The following PCDH7 variants were observed in gnomAD, a reference collection of about 807,000 sequenced individuals.
PCDH7 encodes protocadherin-7.
PCDH7 carries 17 observed loss-of-function variants against 58.9 expected under a neutral mutation model. The ratio of observed to expected loss-of-function variants is 0.29; its 90% CI spans 0.20 to 0.43. The LOEUF is 0.43. Ranked by LOEUF, PCDH7 falls within the 20% of genes least tolerant of loss-of-function variation. PCDH7 has a pLI of 1.00. For synonymous variants in PCDH7, 664 were observed against 616.4 expected (o/e 1.08, Z -1.14); for missense variants, 1,274 against 1,441.0 (o/e 0.88, Z 1.88).
chr4:30,949,446 T>G (rs1219475295), intron 2 of PCDH7, among the ~76,000 whole-genome samples: 1 of 152,128 alleles, frequency 6.6e-6, no homozygotes, highest in Non-Finnish European at 1.5e-5. Context: ...TGGTATACAA[T>G]TTAATTTATT....
chr4:30,867,691 G>A (rs1735046377), intron 1 of PCDH7, among the ~76,000 whole-genome samples: 1 of 152,022 alleles, frequency 6.6e-6, no homozygotes, highest in Non-Finnish European at 1.5e-5. Flanking sequence ...ACTTCCTTGC[G>A]AGAAAGGGGA....
chr4:31,104,957 C>A (rs1295085625), intron 3 of PCDH7, among the ~76,000 whole-genome samples: 1 of 152,164 alleles, frequency 6.6e-6, no homozygotes, highest in Non-Finnish European at 1.5e-5. Context: ...AATATGAAAG[C>A]ACCAGTGTAC....
At chr4:31,098,347 A>G (rs187343051) in intron 3 of PCDH7, among the ~76,000 whole-genome samples, 33 of 152,350 alleles carry the variant, frequency 2.2e-4, no homozygotes, top group African/African-American at 7.5e-4. Context: ...AACATCACAT[A>G]TTAATAAAAA....
At chr4:31,141,273 T>C (rs890700307) in intron 3 of PCDH7, among the ~76,000 whole-genome samples, 10 of 152,356 alleles carry the variant, frequency 6.6e-5, no homozygotes, top group East Asian at 5.8e-4. Flanking sequence ...TTCCACTGGT[T>C]GCAAATATAT....
chr4:30,779,395 ATATT>A (rs751301079), intron 1 of PCDH7, among the ~76,000 whole-genome samples: 2 of 152,206 alleles, frequency 1.3e-5, no homozygotes, highest in Admixed American at 6.5e-5. Context: ...ACCAAAATCA[ATATT>A]TAAATATGTT....
intron 1 of PCDH7, among the ~76,000 whole-genome samples, chr4:30,819,327 G>A (rs563296827): frequency 1.1e-4 from 16 of 152,130 alleles, no homozygotes; most frequent in African/African-American, 3.6e-4. Context: ...TGGGTAGAGC[G>A]GTGCTGCTTT....
intron 1 of PCDH7, among the ~76,000 whole-genome samples, chr4:30,912,400 G>A (rs991029171): frequency 6.6e-6 from 1 of 152,124 alleles, no homozygotes; most frequent in African/African-American, 2.4e-5. Flanking sequence ...ATGAAATGCA[G>A]CACTCCTTAT....
chr4:30,735,541 CAG>C (rs1341055504), downstream of PCDH7, among the ~76,000 whole-genome samples: 11 of 152,224 alleles, frequency 7.2e-5, no homozygotes, highest in Non-Finnish European at 1.3e-4. Flanking sequence ...CAGTTTGGTT[CAG>C]ACTTTAGCTC....
At chr4:31,065,012 A>C (rs2109243544) in intron 3 of PCDH7, among the ~76,000 whole-genome samples, 1 of 152,128 alleles carries the variant, frequency 6.6e-6, no homozygotes, top group South Asian at 2.1e-4. Flanking sequence ...TTAGATTTTC[A>C]GTAAAAAAGT....
At chr4:30,960,747 C>A (rs1159592782) in intron 3 of PCDH7, among the ~76,000 whole-genome samples, 1 of 152,156 alleles carries the variant, frequency 6.6e-6, no homozygotes, top group African/African-American at 2.4e-5. Context: ...GTTAAGAAGG[C>A]CTTTTCCATT....
intron 3 of PCDH7, among the ~76,000 whole-genome samples, chr4:30,972,066 A>G (rs1361205227): frequency 1.3e-5 from 2 of 152,226 alleles, no homozygotes; most frequent in African/African-American, 2.4e-5. Flanking sequence ...TTTAGGGAGC[A>G]CCTAAGAAGC....
chr4:31,071,092 A>G (rs73218816), intron 3 of PCDH7, among the ~76,000 whole-genome samples: 10,689 of 152,124 alleles, frequency 0.07, 537 homozygotes, highest in Middle Eastern at 0.12. Flanking sequence ...TTAGAGACTG[A>G]CACTGTCAAG....
At chr4:31,085,099 A>G (rs1712214186) in intron 3 of PCDH7, among the ~76,000 whole-genome samples, 1 of 152,128 alleles carries the variant, frequency 6.6e-6, no homozygotes, top group South Asian at 2.1e-4. Context: ...CTTCCTGAGC[A>G]TTTGGGGAGC....
intron 1 of PCDH7, among the ~76,000 whole-genome samples, chr4:30,899,158 AGTCACTGCCCCAGG>A (rs1478935504): frequency 1.3e-5 from 2 of 152,108 alleles, no homozygotes; most frequent in African/African-American, 4.8e-5. Flanking sequence ...AAAAATTGAA[AGTCACTGCCCCAGG>A]GTTTTTTTAC....
At chr4:30,752,135 C>CT (rs970935901) in intron 1 of PCDH7, among the ~76,000 whole-genome samples, 20 of 150,714 alleles carry the variant, frequency 1.3e-4, no homozygotes, top group African/African-American at 4.9e-4. Context: ...CTTTCTTTCC[C>CT]TTTTTTTTTC....
intron 2 of PCDH7, among the ~76,000 whole-genome samples, chr4:30,922,904 C>CT (rs1307827766): frequency 6.6e-6 from 1 of 152,098 alleles, no homozygotes; most frequent in Admixed American, 6.6e-5. Context: ...GACTACTCAT[C>CT]TAGCCATAAA....
At chr4:31,141,250 C>T (rs1720215402) in intron 3 of PCDH7, among the ~76,000 whole-genome samples, 1 of 152,222 alleles carries the variant, frequency 6.6e-6, no homozygotes. Context: ...TGTGCATATG[C>T]ACATCTCACT....
chr4:30,983,466 T>C (rs1378542201), intron 3 of PCDH7, among the ~76,000 whole-genome samples: 1 of 152,206 alleles, frequency 6.6e-6, no homozygotes, highest in East Asian at 1.9e-4. Flanking sequence ...AACTATACCA[T>C]TTGTTTAATA....
At chr4:30,725,173 G>C in intron 1 of PCDH7, 1 of 999,742 alleles carries the variant, frequency 1.0e-6, no homozygotes, top group South Asian at 4.7e-5. Flanking sequence ...AATATTTACT[G>C]ATATGCAAAT....
Sources: allele counts gnomAD v4.1 joint callset (sites outside exome capture counted in the v4.1 genomes callset), GRCh38; gene constraint gnomAD v4.1.1; transcripts MANE v1.5; gene names NCBI Gene and HGNC (gene_info 2026-07-23, HGNC 2026-07-21).